The following MYRFL variants were observed in gnomAD, a reference collection of about 807,000 sequenced individuals.
MYRFL encodes myelin regulatory factor like.
In MYRFL, 88 loss-of-function variants were observed where a neutral mutation model predicts 109.4. The observed-to-expected ratio is 0.80, with a 90% CI of 0.68 to 0.96. The LOEUF (loss-of-function observed/expected upper bound fraction) is 0.96, where lower values mean the gene tolerates loss of function less well. Among genes scored for constraint, MYRFL ranks in the 40% least tolerant of loss-of-function variants. The pLI is 0.00. For missense variants in MYRFL, 957 were observed against 954.9 expected, an observed-to-expected ratio of 1.00 and a Z score of -0.03; for synonymous variants, 324 against 320.9, an observed-to-expected ratio of 1.01 and a Z score of -0.10.
chr12:69,910,737 T>C, intron 12 of MYRFL, 84 bp from the exon 13 acceptor site: 2 of 934,690 alleles, frequency 2.1e-6, no homozygotes, highest in Non-Finnish European at 3.2e-6. Context: ...AAATGTATTG[T>C]AGATCAAAGC....
At chr12:69,897,309 G>A (rs946982831) in intron 10 of MYRFL, 63 bp downstream of exon 10, 1 of 1,166,032 alleles carries the variant, frequency 8.6e-7, no homozygotes, top group African/African-American at 1.5e-5. Context: ...GGCAGAATTT[G>A]AATTTTCAAT....
rs1319901452 is a variant in MYRFL, at chr12:69,919,621, G to A, written c.1603-6950G>A. 2.0e-5 allele frequency among the ~76,000 whole-genome samples: 3 copies of A among 152,090 alleles called. No homozygotes were observed. In the South Asian group the frequency reaches 6.2e-4, roughly 31 times the overall value. ...AAGGATTCTGTGTTTTTAAATCCATGTCAGGGCCCAGTACGCTCTCCACAA... is the reference window on the plus strand; with the variant it reads ...AAGGATTCTGTGTTTTTAAATCCATATCAGGGCCCAGTACGCTCTCCACAA... On this transcript the variant is annotated intron_variant, in intron 13 of 24. Coordinates refer to ENST00000552032, the MANE Select transcript of MYRFL (RefSeq NM_182530.3).
At chr12:69,870,906 C>T (rs996555305) in intron 2 of MYRFL, among the ~76,000 whole-genome samples, 41 of 152,228 alleles carry the variant, frequency 2.7e-4, no homozygotes, top group Non-Finnish European at 5.3e-4. Context: ...TTCCTGTTTA[C>T]AATATGCCAA....
intron 4 of MYRFL, 26 bp from the exon 5 acceptor site, chr12:69,880,175 C>A (rs1390651404): frequency 1.4e-6 from 1 of 701,508 alleles, no homozygotes; most frequent in Non-Finnish European, 2.6e-6. Context: ...AGAATCCTAA[C>A]CTTCGTTTTG....
chr12:69,880,205 T>C lies in MYRFL; in HGVS notation c.469T>C (p.Ser157Pro), dbSNP rs7295793. Residue 157 changes from serine (S) to proline (P), a missense_variant, in exon 5 of 25, where the codon TCA (serine) becomes CCA (proline). By Grantham distance (74) the Ser-to-Pro change is moderately conservative. Coordinates refer to ENST00000552032, the MANE Select transcript of MYRFL (RefSeq NM_182530.3). The stretch of plus-strand genomic sequence containing the variant: ...GTTTTGGTGTCTTGATTTTAGAGCC[T>C]CATTGCCTCCAACCAAGAAGAGAAA... The part of the protein sequence containing the change: ...QQPLCHSPGA[S>P]LPPTKKRKCT... 15 of 702,302 alleles carry C rather than the reference T, an allele frequency of 2.1e-5. No individual in the cohort carries two copies. Among genetic ancestry groups the C allele is most frequent in the Admixed American group, 4.0e-5 (2 of 49,954 alleles). 43.5% of individuals were successfully genotyped at this position (702,302 alleles called of 1,614,324 possible).
At chr12:69,878,623 C>G (rs1176769369) in intron 2 of MYRFL, among the ~76,000 whole-genome samples, 7 of 152,084 alleles carry the variant, frequency 4.6e-5, no homozygotes, top group Admixed American at 4.6e-4. Context: ...TTATAAGAAG[C>G]AATAATATTA....
chr12:69,925,682 G>C (rs561566973), intron 13 of MYRFL, among the ~76,000 whole-genome samples: 1 of 152,288 alleles, frequency 6.6e-6, no homozygotes, highest in Non-Finnish European at 1.5e-5. Context: ...GTGTGTGGGT[G>C]GGGAAGAGGA....
chr12:69,893,744 C>G lies in MYRFL; in HGVS notation c.904-20C>G, dbSNP rs1847823984. On this transcript the variant is annotated intron_variant, in intron 7 of 24. Coordinates refer to ENST00000552032, the MANE Select transcript of MYRFL (RefSeq NM_182530.3). ...TTTAATTAATTAATTAATTAGTTTA[C>G]TTTTTGTTGTTTCATACAGGTGGAA... 2 of 1,356,152 alleles carry G rather than the reference C, an allele frequency of 1.5e-6. No individual in the cohort carries two copies. Among genetic ancestry groups the G allele is most frequent in the Non-Finnish European group, 1.9e-6 (2 of 1,044,170 alleles). The allele number at this position is 1,356,152 out of a possible 1,614,324, so 84.0% of individuals were successfully genotyped here.
At chr12:69,908,868 A>C (rs975651623) in intron 11 of MYRFL, among the ~76,000 whole-genome samples, 5 of 152,260 alleles carry the variant, frequency 3.3e-5, no homozygotes, top group Admixed American at 6.5e-5. Flanking sequence ...TATTAAGCCT[A>C]GTACCCATCA....
At chr12:69,933,993 C>T (rs923133881) in intron 16 of MYRFL, among the ~76,000 whole-genome samples, 24 of 152,192 alleles carry the variant, frequency 1.6e-4, no homozygotes, top group South Asian at 2.1e-4. Context: ...GGTTTGCCCC[C>T]GAAGAATGGA....
intron 19 of MYRFL, among the ~76,000 whole-genome samples, chr12:69,948,774 G>A (rs1364462349): frequency 6.6e-6 from 1 of 152,156 alleles, no homozygotes; most frequent in Non-Finnish European, 1.5e-5. Context: ...TTAATGGAAA[G>A]CACCATGTTG....
At chr12:69,928,196 G>C (rs920798182) in intron 15 of MYRFL, among the ~76,000 whole-genome samples, 2 of 152,164 alleles carry the variant, frequency 1.3e-5, no homozygotes, top group Non-Finnish European at 2.9e-5. Flanking sequence ...TTCACTTGCT[G>C]GCAAAGGTTA....
At chr12:69,910,459 C>G (rs912640140) in intron 12 of MYRFL, among the ~76,000 whole-genome samples, 2 of 151,614 alleles carry the variant, frequency 1.3e-5, no homozygotes, top group East Asian at 1.9e-4. Flanking sequence ...AAGGGGTAAG[C>G]AAAGTGATGT....
intron 2 of MYRFL, among the ~76,000 whole-genome samples, chr12:69,875,642 CAGCGGCATTAG>C (rs1192679081): frequency 2.6e-5 from 4 of 152,210 alleles, no homozygotes; most frequent in Admixed American, 2.0e-4. Context: ...GTCAGATCAG[CAGCGGCATTAG>C]AGCGGCATTA....
At chr12:69,857,181 A>G (rs895863769) in intron 2 of MYRFL, among the ~76,000 whole-genome samples, 4 of 151,910 alleles carry the variant, frequency 2.6e-5, no homozygotes, top group Admixed American at 2.6e-4. Flanking sequence ...GACAAAATAT[A>G]TGTGGGTCTA....
At chr12:69,957,987 A>G (rs1482644332) in intron 23 of MYRFL, 45 bp downstream of exon 23, 2 of 1,505,374 alleles carry the variant, frequency 1.3e-6, no homozygotes, top group Non-Finnish European at 8.9e-7. Flanking sequence ...AGAGGGATAC[A>G]TTGAGCAAAT....
intron 1 of MYRFL, among the ~76,000 whole-genome samples, chr12:69,826,160 A>G (rs909214919): frequency 1.3e-5 from 2 of 152,098 alleles, no homozygotes; most frequent in African/African-American, 2.4e-5. Flanking sequence ...GTACCAAAGA[A>G]ATAGTGAGAT....
intron 1 of MYRFL, among the ~76,000 whole-genome samples, chr12:69,838,334 C>T (rs11177894): frequency 0.031 from 4,667 of 152,182 alleles, 88 homozygotes; most frequent in East Asian, 0.062. Flanking sequence ...TTTTCCCTTC[C>T]TCCTCTGCCT....
rs147156671 is a variant in MYRFL at position 69,884,614 on chromosome 12, G to A, written c.557-2206G>A. Among the ~76,000 whole-genome samples the A allele has an allele frequency of 7.8e-3, 1,194 of 152,328 alleles. 9 individuals are homozygous for A. The highest frequency in any genetic ancestry group is 0.014 in the Middle Eastern group (4 of 294). Reference sequence around the variant, plus strand: ...AGTGGGAAAGGGCATGATTTAGCCAGTATTCAGTCAGGAACATGGGCTAGT... The same window carrying A: ...AGTGGGAAAGGGCATGATTTAGCCAATATTCAGTCAGGAACATGGGCTAGT... On this transcript the variant is annotated intron_variant, in intron 5 of 24. Coordinates refer to ENST00000552032, the MANE Select transcript of MYRFL (RefSeq NM_182530.3).
Sources: allele counts gnomAD v4.1 joint callset (sites outside exome capture counted in the v4.1 genomes callset), GRCh38; gene constraint gnomAD v4.1.1; transcripts MANE v1.5; gene names NCBI Gene and HGNC (gene_info 2026-07-23, HGNC 2026-07-21).